The following SOX5 variants were observed in gnomAD, a reference collection of about 807,000 sequenced individuals.
SOX5 encodes transcription factor SOX-5.
A neutral mutation model predicts 92.0 loss-of-function variants in SOX5; 9 were observed. That is an observed-to-expected ratio of 0.10 (90% CI 0.06 to 0.17). The LOEUF (loss-of-function observed/expected upper bound fraction) is 0.17, where lower values mean the gene tolerates loss of function less well. SOX5 is among the 10% of genes least tolerant of loss of function. SOX5 has a pLI of 1.00. For synonymous variants in SOX5, 344 were observed against 336.3 expected (o/e 1.02, Z -0.25); for missense variants, 642 against 944.5 (o/e 0.68, Z 4.20).
chr12:23,599,993 T>G (rs756604997), intron 9 of SOX5, among the ~76,000 whole-genome samples: 14 of 152,182 alleles, frequency 9.2e-5, no homozygotes, highest in Non-Finnish European at 1.6e-4. Flanking sequence ...TGAAAGTTGC[T>G]GAATACATTG....
At chr12:24,373,045 G>A (rs573096967) in intron 1 of SOX5, among the ~76,000 whole-genome samples, 9 of 151,936 alleles carry the variant, frequency 5.9e-5, no homozygotes, top group African/African-American at 2.2e-4. Flanking sequence ...GTAAGCCTGG[G>A]AAGTGGAGGC....
intron 1 of SOX5, among the ~76,000 whole-genome samples, chr12:24,502,638 G>A (rs1474052623): frequency 6.6e-6 from 1 of 152,110 alleles, no homozygotes; most frequent in East Asian, 1.9e-4. Flanking sequence ...CTACCAACGG[G>A]TGCTAAAATT....
At chr12:24,019,944 T>C (rs1439668339) in intron 4 of SOX5, among the ~76,000 whole-genome samples, 1 of 152,226 alleles carries the variant, frequency 6.6e-6, no homozygotes, top group African/African-American at 2.4e-5. Flanking sequence ...CTCACGTGGA[T>C]GTATCCTGGT....
chr12:24,248,589 T>C (rs1344105830), intron 3 of SOX5, among the ~76,000 whole-genome samples: 1 of 152,172 alleles, frequency 6.6e-6, no homozygotes, highest in African/African-American at 2.4e-5. Flanking sequence ...TTTACCATGT[T>C]GGCCAGGCTG....
Position 23,640,197 on chromosome 12 carries a change from G to C in SOX5, c.1017+615C>G, listed in dbSNP as rs137967289. The stretch of plus-strand genomic sequence containing the variant: ...TTTTCTTTTCAACCTCAGAGACAAA[G>C]CTTCTCAAATCACTTGGACATCTGG... On this transcript the variant is annotated intron_variant, in intron 8 of 14. Transcript: ENST00000451604. Among the ~76,000 whole-genome samples, 518 of 152,270 alleles carry C rather than the reference G, an allele frequency of 3.4e-3. 1 individual carries two copies. The highest frequency in any genetic ancestry group is 0.02 in the Middle Eastern group (6 of 294).
chr12:23,719,029 G>C (rs1042608423), intron 6 of SOX5, among the ~76,000 whole-genome samples: 1 of 152,110 alleles, frequency 6.6e-6, no homozygotes, highest in African/African-American at 2.4e-5. Context: ...TAGCATACAT[G>C]GTTTTGAGAG....
At chr12:23,837,029 G>A (rs1264124832) in intron 3 of SOX5, among the ~76,000 whole-genome samples, 3 of 150,374 alleles carry the variant, frequency 2.0e-5, no homozygotes, top group Admixed American at 6.8e-5. Flanking sequence ...CAGAGCTTTG[G>A]AACATTTGTG....
chr12:23,916,858 T>TG, intron 1 of SOX5, among the ~76,000 whole-genome samples: 1 of 152,300 alleles, frequency 6.6e-6, no homozygotes, highest in East Asian at 1.9e-4. Flanking sequence ...TGGTGATTAC[T>TG]GCCTATGGAA....
chr12:23,719,709 A>G (rs2092700773), intron 6 of SOX5, among the ~76,000 whole-genome samples: 1 of 145,474 alleles, frequency 6.9e-6, no homozygotes, highest in Non-Finnish European at 1.5e-5. Flanking sequence ...TGAGGCTGCA[A>G]TGAGTTACGA....
At chr12:24,336,800 TG>T (rs1244531237) in intron 2 of SOX5, among the ~76,000 whole-genome samples, 2 of 152,240 alleles carry the variant, frequency 1.3e-5, no homozygotes, top group Non-Finnish European at 2.9e-5. Flanking sequence ...TAGGCATAGC[TG>T]TCGCCATAGA....
chr12:24,281,609 G>C (rs1287790422), intron 2 of SOX5, among the ~76,000 whole-genome samples: 4 of 152,218 alleles, frequency 2.6e-5, no homozygotes, highest in Non-Finnish European at 5.9e-5. Flanking sequence ...ACCTCGCAGG[G>C]CCTGGTAGCT....
Position 23,530,918 on chromosome 12 carries a change from T to C in SOX5, c.*3301A>G, listed in dbSNP as rs577627263. 6.6e-6 allele frequency: 1 copy of C among 151,322 alleles called. No homozygotes were observed. The highest frequency in any genetic ancestry group is 2.1e-4 in the South Asian group (1 of 4,776). 9.4% of individuals were successfully genotyped at this position (151,322 alleles called of 1,614,324 possible). On this transcript the variant is annotated 3_prime_UTR_variant, in exon 15 of 15. Coordinates refer to ENST00000451604, the MANE Select transcript of SOX5 (RefSeq NM_006940.6). ...GCAGACAGGAAGGAGACTGTTTATG[T>C]TTTAGTTTGATCTTTTGATCTTACT...
intron 3 of SOX5, among the ~76,000 whole-genome samples, chr12:24,219,484 C>T (rs371878925): frequency 3.3e-5 from 5 of 152,000 alleles, no homozygotes; most frequent in South Asian, 2.1e-4. Flanking sequence ...CAAATTTCAG[C>T]GACATAAAAT....
At chr12:23,752,683 C>T (rs2094217650) in intron 4 of SOX5, among the ~76,000 whole-genome samples, 1 of 151,788 alleles carries the variant, frequency 6.6e-6, no homozygotes, top group South Asian at 2.1e-4. Flanking sequence ...ATTTCTTCAC[C>T]TTTCACATTA....
Position 23,648,580 on chromosome 12 carries a change from AGTCT to A in SOX5, c.932-7687_932-7684del, listed in dbSNP as rs1216617269. On this transcript the variant is annotated intron_variant, in intron 7 of 14. Coordinates refer to ENST00000451604, the MANE Select transcript of SOX5 (RefSeq NM_006940.6). ...ACAGATTAGGACACAAACAAAATAG[AGTCT>A]GTCTGGTATGACCAGGTGTGAACAC... Among the ~76,000 whole-genome samples, 10 of 152,158 alleles carry A rather than the reference AGTCT, an allele frequency of 6.6e-5. No homozygotes were observed. The East Asian group carries it at 1.4e-3, about 21-fold the overall frequency.
chr12:24,557,171 C>A (rs149958425), intron 1 of SOX5, among the ~76,000 whole-genome samples: 1 of 151,960 alleles, frequency 6.6e-6, no homozygotes. Flanking sequence ...TGGAGGATCA[C>A]GAGGTCAGGA....
chr12:23,895,712 G>C, intron 2 of SOX5, 81 bp downstream of exon 2: 1 of 909,240 alleles, frequency 1.1e-6, no homozygotes, highest in South Asian at 1.4e-5. Flanking sequence ...TAATTATAAA[G>C]CAAAGGACTG....
chr12:23,799,082 T>C (rs1431664233), intron 3 of SOX5, among the ~76,000 whole-genome samples: 6 of 151,990 alleles, frequency 3.9e-5, no homozygotes, highest in Non-Finnish European at 7.4e-5. Context: ...TAAGAGCTTT[T>C]TGGGGGTTCC....
intron 3 of SOX5, among the ~76,000 whole-genome samples, chr12:24,248,879 T>C (rs916758747): frequency 6.6e-6 from 1 of 152,170 alleles, no homozygotes; most frequent in Non-Finnish European, 1.5e-5. Flanking sequence ...ACAAAAGGAA[T>C]GATAAACAGG....
Sources: gnomAD v4.1 joint callset for allele counts (sites outside exome capture counted in the v4.1 genomes callset) on GRCh38, gnomAD v4.1.1 for gene constraint, MANE v1.5 for transcripts, NCBI Gene and HGNC (gene_info 2026-07-23, HGNC 2026-07-21) for gene names.